The following KAT6B variants were observed in gnomAD, a reference collection of about 807,000 sequenced individuals.
KAT6B encodes the protein lysine acetyltransferase 6B, also known as histone acetyltransferase KAT6B.
A neutral mutation model predicts 187.5 loss-of-function variants in KAT6B; 10 were observed. That is an observed-to-expected ratio of 0.05 (90% CI 0.03 to 0.09). KAT6B has a LOEUF of 0.09. Ranked by LOEUF, KAT6B falls within the 10% of genes least tolerant of loss-of-function variation. KAT6B has a pLI of 1.00. For synonymous variants in KAT6B, 861 were observed against 926.8 expected (o/e 0.93, Z 1.29); for missense variants, 1,952 against 2,558.9 (o/e 0.76, Z 5.12).
rs112412494 is a variant in KAT6B, at chr10:74,981,426, C to T, written c.2232-361C>T. 1.5e-4 allele frequency among the ~76,000 whole-genome samples: 22 copies of T among 151,270 alleles called. 3 individuals are homozygous for T. The highest frequency in any genetic ancestry group is 4.2e-4 in the South Asian group (2 of 4,774). ...TCTCACTCTGTTGCCCAGGCTGGAG[C>T]GCAGTGGTGCAATCTCGATTCACTG... On this transcript the variant is annotated intron_variant, in intron 10 of 17. Transcript: ENST00000287239.
chr10:74,892,287 G>A (rs1293684349), intron 3 of KAT6B, among the ~76,000 whole-genome samples: 2 of 152,180 alleles, frequency 1.3e-5, no homozygotes, highest in Non-Finnish European at 2.9e-5. Context: ...AAGATCCTTT[G>A]AGCCTAGAAG....
chr10:74,934,913 T>C (rs1158677218), intron 3 of KAT6B, among the ~76,000 whole-genome samples: 3 of 152,218 alleles, frequency 2.0e-5, no homozygotes, highest in African/African-American at 4.8e-5. Context: ...TGACCCTTGC[T>C]CTTGACTTAT....
chr10:74,967,329 C>CAA (rs143829532), intron 4 of KAT6B, among the ~76,000 whole-genome samples: 4 of 113,376 alleles, frequency 3.5e-5, no homozygotes, highest in Middle Eastern at 4.9e-3. Context: ...GACTCCGTCT[C>CAA]AAAAAAAAAA....
At chr10:74,905,805 A>G (rs183250609) in intron 3 of KAT6B, among the ~76,000 whole-genome samples, 18 of 152,126 alleles carry the variant, frequency 1.2e-4, no homozygotes, top group African/African-American at 3.6e-4. Context: ...GTTTATTACT[A>G]TTTTTAAATT....
At chr10:74,896,362 G>T (rs1845987613) in intron 3 of KAT6B, among the ~76,000 whole-genome samples, 1 of 152,050 alleles carries the variant, frequency 6.6e-6, no homozygotes, top group African/African-American at 2.4e-5. Context: ...CGGGATCTCG[G>T]CTCACTGCAA....
At chr10:74,873,241 G>A (rs1844139754) in intron 3 of KAT6B, among the ~76,000 whole-genome samples, 1 of 151,384 alleles carries the variant, frequency 6.6e-6, no homozygotes, top group East Asian at 1.9e-4. Context: ...TGGAAGTATC[G>A]CTTGAGGCCA....
intron 17 of KAT6B, chr10:75,026,137 C>T (rs1245172954): frequency 6.9e-6 from 1 of 143,982 alleles, no homozygotes; most frequent in Non-Finnish European, 1.5e-5. Flanking sequence ...CAGAATGAGA[C>T]CCTTTCTCAA....
At chr10:74,956,011 C>T (rs1439957904) in intron 3 of KAT6B, among the ~76,000 whole-genome samples, 1 of 152,300 alleles carries the variant, frequency 6.6e-6, no homozygotes, top group East Asian at 1.9e-4. Context: ...GCAGCCTCAA[C>T]TTCCTCAGCT....
At chr10:74,871,816 G>C (rs947783610) in intron 3 of KAT6B, among the ~76,000 whole-genome samples, 1 of 152,168 alleles carries the variant, frequency 6.6e-6, no homozygotes. Context: ...AAACAGGAAC[G>C]CCCAGAACAG....
chr10:75,030,958 A>T lies in KAT6B; in HGVS notation c.6134A>T (p.Asn2045Ile), dbSNP rs752340513. 1 of 1,614,198 alleles carries T rather than the reference A, an allele frequency of 6.2e-7. No individual in the cohort carries two copies. The highest frequency in any genetic ancestry group is 1.1e-5 in the South Asian group (1 of 91,078). The change falls in exon 18 of 18, where the codon AAC becomes ATC. Residue 2045 changes from asparagine (N) to isoleucine (I), a missense_variant. Physicochemically the swap from Asn to Ile is moderately radical, Grantham distance 149 (BLOSUM62 -3). Coordinates refer to ENST00000287239, the MANE Select transcript of KAT6B (RefSeq NM_012330.4). The surrounding 1 kb of genome is among the most constrained non-coding windows in gnomAD (Gnocchi z 4.8). ...CCAATGCAGACCCCACCCCACGGTA[A>T]CATGATGTACACGGCCCCCGGACAT... ...QQPMQTPPHG[N>I]MMYTAPGHHG...
Position 74,852,525 on chromosome 10 carries a change from G to T in KAT6B, c.621+9047G>T, listed in dbSNP as rs58832521. Among the ~76,000 whole-genome samples the T allele has an allele frequency of 3.5e-3, 530 of 152,320 alleles. 26 individuals carry two copies. The East Asian group carries it at 0.071, about 20-fold the overall frequency. ...CTTTTGTGAGCAGGTAGTACCAGTT[G>T]TTGAGACATTGTTGAGAGAGCACAT... On this transcript the variant is annotated intron_variant, in intron 3 of 17. Transcript: ENST00000287239.
chr10:74,950,959 A>T (rs1393309088), intron 3 of KAT6B, among the ~76,000 whole-genome samples: 1 of 152,106 alleles, frequency 6.6e-6, no homozygotes, highest in African/African-American at 2.4e-5. Flanking sequence ...CCAAAAATAA[A>T]AAAAAAATTA....
intron 3 of KAT6B, among the ~76,000 whole-genome samples, chr10:74,884,835 C>T (rs1845117977): frequency 6.6e-6 from 1 of 152,112 alleles, no homozygotes; most frequent in Non-Finnish European, 1.5e-5. Flanking sequence ...TCCCAAAATG[C>T]TGGGATTACA....
At chr10:74,830,754 A>ATATATATATATATATATATATG (rs1564891963) in intron 1 of KAT6B, among the ~76,000 whole-genome samples, 2 of 24,356 alleles carry the variant, frequency 8.2e-5, no homozygotes, top group African/African-American at 5.7e-4. Context: ...ATATATATAT[A>ATATATATATATATATATATATG]TATATATATA....
intron 3 of KAT6B, among the ~76,000 whole-genome samples, chr10:74,909,104 T>C (rs1299743710): frequency 6.6e-6 from 1 of 152,252 alleles, no homozygotes; most frequent in African/African-American, 2.4e-5. Flanking sequence ...CCGTGTATGG[T>C]GGCTCACACC....
chr10:74,989,401 A>G (rs371694652), intron 13 of KAT6B, among the ~76,000 whole-genome samples: 1 of 152,242 alleles, frequency 6.6e-6, no homozygotes, highest in African/African-American at 2.4e-5. Flanking sequence ...TGTGGTGCTC[A>G]TGCTCATTAG....
intron 3 of KAT6B, among the ~76,000 whole-genome samples, chr10:74,872,012 C>T (rs1844024043): frequency 6.6e-6 from 1 of 152,142 alleles, no homozygotes; most frequent in African/African-American, 2.4e-5. Flanking sequence ...CAAAGGAAAA[C>T]AGGCTCCTGG....
intron 1 of KAT6B, among the ~76,000 whole-genome samples, chr10:74,830,124 G>A (rs530546940): frequency 6.6e-6 from 1 of 152,192 alleles, no homozygotes; most frequent in South Asian, 2.1e-4. Context: ...GTGGATGAGA[G>A]AAGTGGGGTG....
chr10:74,833,566 G>A (rs1025743017), intron 1 of KAT6B, among the ~76,000 whole-genome samples: 1 of 152,206 alleles, frequency 6.6e-6, no homozygotes, highest in African/African-American at 2.4e-5. Flanking sequence ...AATTTATGAT[G>A]ATGATGTTGA....
Sources: allele counts gnomAD v4.1 joint callset (sites outside exome capture counted in the v4.1 genomes callset), GRCh38; gene constraint gnomAD v4.1.1; non-coding constraint Gnocchi (gnomAD v3.1); transcripts MANE v1.5; gene names NCBI Gene and HGNC (gene_info 2026-07-23, HGNC 2026-07-21).